The following PTPRO variants were observed in gnomAD, a reference collection of about 807,000 sequenced individuals.
The protein encoded by PTPRO is receptor-type tyrosine-protein phosphatase O.
In PTPRO, 62 loss-of-function variants were observed where a neutral mutation model predicts 145.2. The ratio of observed to expected loss-of-function variants is 0.43; its 90% CI spans 0.35 to 0.53. PTPRO has a LOEUF of 0.53. PTPRO is among the 20% of genes least tolerant of loss of function. The pLI, the probability that PTPRO is intolerant of heterozygous loss-of-function variation, is 0.01. For missense variants in PTPRO, 1,345 were observed against 1,482.7 expected, an observed-to-expected ratio of 0.91 and a Z score of 1.53; for synonymous variants, 565 against 514.7, an observed-to-expected ratio of 1.10 and a Z score of -1.32.
chr12:15,579,079 T>C, intron 20 of PTPRO, 136 bp downstream of exon 20: 2 of 731,514 alleles, frequency 2.7e-6, no homozygotes, highest in East Asian at 2.7e-5. Flanking sequence ...GAGATTGCAT[T>C]GATCTCACTC....
intron 1 of PTPRO, among the ~76,000 whole-genome samples, chr12:15,388,005 A>G (rs185431426): frequency 2.6e-5 from 4 of 152,250 alleles, no homozygotes; most frequent in African/African-American, 7.2e-5. Flanking sequence ...GTGACACCCT[A>G]TAAGGAAAGT....
chr12:15,551,599 T>C lies in PTPRO; in HGVS notation c.2486T>C (p.Leu829Pro). The C allele has an allele frequency of 6.2e-7, 1 of 1,613,712 alleles. No individual in the cohort carries two copies. The highest frequency in any genetic ancestry group is 8.5e-7 in the Non-Finnish European group (1 of 1,179,716). The change falls in exon 15 of 27, where the codon CTT becomes CCT. Residue 829 changes from leucine to proline, a missense_variant. Around this residue, in one of 3 missense-constraint regions of PTPRO, gnomAD observed 1,130 missense variants for 1,214.7 expected, o/e 0.93. Coordinates refer to ENST00000281171, the MANE Select transcript of PTPRO (RefSeq NM_030667.3). ...GTAGTGATCTCCGTGCTGGCCATCC[T>C]TAGCACACTTTTAATTGGACTGTTG... ...NVVVISVLAI[L>P]STLLIGLLLV... is the part of the protein sequence containing the mutation.
At chr12:15,450,560 G>T (rs1182044668) in intron 1 of PTPRO, among the ~76,000 whole-genome samples, 1 of 152,146 alleles carries the variant, frequency 6.6e-6, no homozygotes, top group Non-Finnish European at 1.5e-5. Context: ...GATTGTCTGG[G>T]CTCAGGATTT....
chr12:15,432,753 G>C (rs1940479969), intron 1 of PTPRO, among the ~76,000 whole-genome samples: 1 of 152,224 alleles, frequency 6.6e-6, no homozygotes, highest in Admixed American at 6.5e-5. Flanking sequence ...CTAATAATCA[G>C]TGATGCTGAG....
At chr12:15,557,014 A>G (rs1171737046) in intron 15 of PTPRO, among the ~76,000 whole-genome samples, 1 of 149,812 alleles carries the variant, frequency 6.7e-6, no homozygotes, top group Non-Finnish European at 1.5e-5. Context: ...TGGAACTTCT[A>G]TTAGCTTCTT....
intron 1 of PTPRO, chr12:15,439,834 C>G: frequency 3.2e-6 from 2 of 618,478 alleles, no homozygotes; most frequent in South Asian, 1.6e-5. Context: ...CTCTCAAGAA[C>G]AAGGATTTGA....
intron 1 of PTPRO, among the ~76,000 whole-genome samples, chr12:15,435,609 A>G (rs1314863019): frequency 6.7e-6 from 1 of 149,444 alleles, no homozygotes; most frequent in African/African-American, 2.5e-5. Context: ...CTTTACCTGT[A>G]TCAGTTTTTC....
intron 6 of PTPRO, among the ~76,000 whole-genome samples, chr12:15,506,029 T>C (rs1008664967): frequency 1.3e-5 from 2 of 152,148 alleles, no homozygotes; most frequent in Non-Finnish European, 2.9e-5. Context: ...AGTGTCAAAA[T>C]TAAGATTATA....
chr12:15,523,049 T>C (rs1942760108), intron 10 of PTPRO, among the ~76,000 whole-genome samples: 1 of 152,222 alleles, frequency 6.6e-6, no homozygotes, highest in South Asian at 2.1e-4. Flanking sequence ...TGTAGATTTG[T>C]GTTACTTGTT....
intron 23 of PTPRO, among the ~76,000 whole-genome samples, chr12:15,585,500 A>G (rs1240181423): frequency 6.6e-6 from 1 of 152,190 alleles, no homozygotes; most frequent in African/African-American, 2.4e-5. Context: ...CAATGGGTGT[A>G]GGGGAGGTGA....
chr12:15,433,377 G>A (rs781536029), intron 1 of PTPRO, among the ~76,000 whole-genome samples: 3 of 152,008 alleles, frequency 2.0e-5, no homozygotes, highest in Non-Finnish European at 2.9e-5. Context: ...TAGAGACAGG[G>A]TTTCACCGTG....
At position 15,503,922 on chromosome 12, in the gene PTPRO, T is replaced by C. The variant is rs750922970; in HGVS notation, c.1120T>C (p.Tyr374His). ...HIEREENFTEYLMVDEEAHEF... is the reference protein window; with the variant it reads ...HIEREENFTEHLMVDEEAHEF... Reference sequence around the variant, plus strand: ...ATATGATTTAGAGAACTTTACTGAATATTTGATGGTGGATGAAGAAGCACA... The same window carrying C: ...ATATGATTTAGAGAACTTTACTGAACATTTGATGGTGGATGAAGAAGCACA... The change falls in exon 6 of 27, where the codon TAT becomes CAT. Residue 374 changes from tyrosine (Y) to histidine (H), a missense_variant. Transcript: ENST00000281171. The C allele has an allele frequency of 6.3e-7, 1 of 1,579,298 alleles. No individual in the cohort carries two copies. The highest frequency in any genetic ancestry group is 1.3e-5 in the African/African-American group (1 of 74,210).
chr12:15,536,955 A>G (rs1031828657), intron 12 of PTPRO, among the ~76,000 whole-genome samples: 1 of 152,198 alleles, frequency 6.6e-6, no homozygotes, highest in African/African-American at 2.4e-5. Flanking sequence ...CAGATTCAAA[A>G]TTTATTTTGA....
At chr12:15,524,157 TAAAAAAAA>T (rs34287474) in intron 10 of PTPRO, among the ~76,000 whole-genome samples, 1,300 of 129,118 alleles carry the variant, frequency 0.01, 19 homozygotes, top group African/African-American at 0.035. Context: ...GCTTCGTGGC[TAAAAAAAA>T]AAAAAAAAAA....
Position 15,523,932 on chromosome 12 carries a change from G to T in PTPRO, c.1892-882G>T, listed in dbSNP as rs572121829. On this transcript the variant is annotated intron_variant, in intron 10 of 26. Transcript: ENST00000281171. ...CCCACCTCAGCCTCCCTAGTAGGTG[G>T]GACAACAGGGTGTGCCACCATGCCC... is the stretch of plus-strand genomic sequence containing the variant. 1.4e-4 allele frequency among the ~76,000 whole-genome samples: 22 copies of T among 151,908 alleles called. 1 individual carries two copies. The East Asian group carries it at 2.9e-3, about 20-fold the overall frequency.
intron 12 of PTPRO, among the ~76,000 whole-genome samples, chr12:15,544,367 T>A (rs1329171403): frequency 6.6e-6 from 1 of 151,720 alleles, no homozygotes; most frequent in Non-Finnish European, 1.5e-5. Context: ...TAGCTGGGCA[T>A]GGTGGCATGC....
intron 1 of PTPRO, among the ~76,000 whole-genome samples, chr12:15,461,377 G>C (rs540042862): frequency 6.6e-6 from 1 of 152,204 alleles, no homozygotes; most frequent in Admixed American, 6.5e-5. Context: ...TATAAACCAA[G>C]GTGAACCACA....
At chr12:15,414,672 C>T (rs1172917950) in intron 1 of PTPRO, among the ~76,000 whole-genome samples, 1 of 152,202 alleles carries the variant, frequency 6.6e-6, no homozygotes. Flanking sequence ...CAATCACATT[C>T]ATAAGTTATC....
intron 1 of PTPRO, among the ~76,000 whole-genome samples, chr12:15,442,205 T>G (rs1343512419): frequency 1.1e-4 from 17 of 152,056 alleles, no homozygotes; most frequent in Non-Finnish European, 2.4e-4. Flanking sequence ...TGTACACAAA[T>G]CAATAAATGT....
Sources: allele counts gnomAD v4.1 joint callset (sites outside exome capture counted in the v4.1 genomes callset), GRCh38; gene constraint gnomAD v4.1.1; regional missense constraint gnomAD v4.1.1; transcripts MANE v1.5; gene names NCBI Gene and HGNC (gene_info 2026-07-23, HGNC 2026-07-21).